Variants in FXYD1 observed in about 807,000 individuals in gnomAD.
FXYD1 encodes the protein phospholemman.
FXYD1 carries 9 observed loss-of-function variants against 17.2 expected under a neutral mutation model. That is an observed-to-expected ratio of 0.52 (90% confidence interval 0.32 to 0.91). FXYD1 has a LOEUF of 0.91. FXYD1 is among the 40% of genes least tolerant of loss of function. The probability of loss-of-function intolerance (pLI) is 0.04; values close to 1 mark genes in which losing one functional copy is unlikely to be tolerated. For synonymous variants in FXYD1, 55 were observed against 45.8 expected (o/e 1.20, Z -0.81); for missense variants, 113 against 120.6 (o/e 0.94, Z 0.29).
chr19:35,141,015 A>C (rs2065246781), intron 3 of FXYD1, 117 bp from the exon 4 acceptor site: 2 of 625,770 alleles, frequency 3.2e-6, no homozygotes, highest in East Asian at 3.0e-5. Context: ...TAATTATCTT[A>C]CTTCCCCCCT....
chr19:35,142,362 T>G, intron 5 of FXYD1, 110 bp from the exon 6 acceptor site: 1 of 806,964 alleles, frequency 1.2e-6, no homozygotes, highest in Non-Finnish European at 2.0e-6. Context: ...TTCGTCCATA[T>G]CTGGGCCTAG....
chr19:35,141,293 C>T (rs1342130527), intron 4 of FXYD1, 87 bp downstream of exon 4: 2 of 312,840 alleles, frequency 6.4e-6, no homozygotes, highest in East Asian at 5.9e-5. Context: ...CCCGCCTCTC[C>T]CTAGCCCCCC....
chr19:35,137,484 G>C (rs868565351), upstream of FXYD1, among the ~76,000 whole-genome samples: 14 of 152,308 alleles, frequency 9.2e-5, no homozygotes, highest in South Asian at 2.7e-3. Context: ...ATGTGTGAGA[G>C]CGGCGGGTTG....
rs1238951470 is a variant in FXYD1, at chr19:35,141,164, A to G, written c.127A>G (p.Ile43Val). Residue 43 changes from isoleucine (I) to valine (V), a missense_variant, in exon 4 of 8, where the codon ATC becomes GTC. By Grantham distance (29) the Ile-to-Val change is conservative (BLOSUM62 3). Coordinates refer to ENST00000351325, the MANE Select transcript of FXYD1 (RefSeq NM_021902.4). Reference protein sequence around the residue: ...YQSLQIGGLVIAGILFILGIL... With the variant: ...YQSLQIGGLVVAGILFILGIL... Reference sequence around the variant, plus strand: ...GTCCCTGCAGATCGGAGGCCTCGTCATCGCCGGGATCCTCTTCATCCTGGG... The same window carrying G: ...GTCCCTGCAGATCGGAGGCCTCGTCGTCGCCGGGATCCTCTTCATCCTGGG... The G allele has an allele frequency of 1.2e-6, 2 of 1,610,708 alleles. No individual in the cohort carries two copies. Among genetic ancestry groups the G allele is most frequent in the East Asian group, 2.2e-5 (1 of 44,776 alleles).
At chr19:35,141,509 G>A (rs370149307) in intron 4 of FXYD1, 27 bp from the exon 5 acceptor site, 79 of 1,601,790 alleles carry the variant, frequency 4.9e-5, no homozygotes, top group Non-Finnish European at 6.2e-5. Context: ...GGGAGCCTCA[G>A]CTTCTCCTAC....
rs62111365 is a variant in FXYD1, at chr19:35,143,086, C to G, written c.*199C>G. The G allele has an allele frequency of 1, 548,971 of 548,976 alleles. 274,483 individuals carry two copies. Among genetic ancestry groups the G allele is most frequent in the Middle Eastern group, 1 (2,098 of 2,098 alleles). The allele number at this position is 548,976 out of a possible 1,614,324, so 34.0% of individuals were successfully genotyped here. A position where few individuals can be genotyped will look rare whatever the true frequency, so the allele number is the denominator to read the frequency against. On this transcript the variant is annotated 3_prime_UTR_variant, in exon 8 of 8. Transcript: ENST00000351325. This position sits in a 1 kb window ranked among gnomAD's most constrained non-coding sequence, Gnocchi z 4.3. ...TCGGTCTCGGTCCCTCAGCGCGAAACGCCAGCGCCACTGGGCCCCAGCAGG... is the reference window on the plus strand; with the variant it reads ...TCGGTCTCGGTCCCTCAGCGCGAAAGGCCAGCGCCACTGGGCCCCAGCAGG...
At chr19:35,141,771 C>A (rs1304843779) in intron 5 of FXYD1, among the ~76,000 whole-genome samples, 199 bp downstream of exon 5, 2 of 152,246 alleles carry the variant, frequency 1.3e-5, no homozygotes, top group Non-Finnish European at 2.9e-5. Context: ...GAGCTCCCAG[C>A]CTAGTGGAGG....
intron 1 of FXYD1, chr19:35,139,176 G>A (rs1337254597): frequency 1.3e-5 from 2 of 152,414 alleles, no homozygotes; most frequent in Non-Finnish European, 2.9e-5. Context: ...GAGGAGTATT[G>A]GATGCCTGAC....
chr19:35,140,494 C>G, intron 2 of FXYD1, 103 bp from the exon 3 acceptor site: 1 of 1,059,540 alleles, frequency 9.4e-7, no homozygotes, highest in Non-Finnish European at 1.5e-6. Context: ...CAGACACCCT[C>G]AGACTCTAAG....
intron 2 of FXYD1, 135 bp downstream of exon 2, chr19:35,140,275 G>A: frequency 1.5e-6 from 1 of 679,702 alleles, no homozygotes; most frequent in South Asian, 1.6e-5. Context: ...TCCACGTGGG[G>A]TCCAGTCACA....
intron 5 of FXYD1, 132 bp downstream of exon 5, chr19:35,141,704 T>TGGCCCAAGCCTGGCCCTG (rs2065258447): frequency 1.4e-6 from 1 of 719,814 alleles, no homozygotes; most frequent in Non-Finnish European, 2.3e-6. Context: ...CTATGTGCCA[T>TGGCCCAAGCCTGGCCCTG]GGCCCAAGCC....
chr19:35,137,237 C>T (rs906146764), upstream of FXYD1, among the ~76,000 whole-genome samples: 2 of 152,214 alleles, frequency 1.3e-5, no homozygotes, highest in Non-Finnish European at 2.9e-5. Flanking sequence ...CTGGGCCATT[C>T]CAGGTTTCCC....
Position 35,140,617 on chromosome 19 carries a change from C to CCGTT in FXYD1, c.84_87dup (p.Thr30ValfsTer47). On this transcript the variant is annotated frameshift_variant, in exon 3 of 8. Transcript: ENST00000351325. LOFTEE classifies it high-confidence loss of function. ...TCCAGAAAGTCCAAAGGAACACGAC[C>CCGTT]CGTTCACTTACGGTGAGCGGGGGGT... The CCGTT allele has an allele frequency of 6.2e-7, 1 of 1,613,608 alleles. No homozygotes were observed. The highest frequency in any genetic ancestry group is 8.5e-7 in the Non-Finnish European group (1 of 1,179,750).
rs1171735415 is a variant in FXYD1 at position 35,142,992 on chromosome 19, C to G, written c.*105C>G. 1 of 583,022 alleles carries G rather than the reference C, an allele frequency of 1.7e-6. No homozygotes were observed. The highest frequency in any genetic ancestry group is 3.0e-6 in the Non-Finnish European group (1 of 328,976). 36.1% of individuals were successfully genotyped at this position (583,022 alleles called of 1,614,324 possible). A position where few individuals can be genotyped will look rare whatever the true frequency, so the allele number is the denominator to read the frequency against. ...CCCCTCCGCCGCCCCTTCCCCAGCCCTGCCCCCGCAGACTCCCCCTGCCGC... is the reference window on the plus strand; with the variant it reads ...CCCCTCCGCCGCCCCTTCCCCAGCCGTGCCCCCGCAGACTCCCCCTGCCGC... On this transcript the variant is annotated 3_prime_UTR_variant, in exon 8 of 8. Transcript: ENST00000351325.
chr19:35,137,693 C>G (rs2065217280), upstream of FXYD1: 1 of 152,326 alleles, frequency 6.6e-6, no homozygotes, highest in African/African-American at 2.4e-5. Flanking sequence ...GTGGCATGAT[C>G]TCAGCTCACT....
intron 3 of FXYD1, 84 bp from the exon 4 acceptor site, chr19:35,141,048 C>A: frequency 1.2e-6 from 1 of 828,416 alleles, no homozygotes; most frequent in African/African-American, 1.7e-5. Context: ...TCCTTTCTCC[C>A]TGTTCCCTCC....
At chr19:35,142,842 A>C in intron 7 of FXYD1, 71 bp downstream of exon 7, 1 of 1,194,548 alleles carries the variant, frequency 8.4e-7, no homozygotes, top group South Asian at 1.3e-5. Flanking sequence ...GAGGGGGCCA[A>C]GTGCCAGAGT....
chr19:35,140,605 A>G lies in FXYD1; in HGVS notation c.70A>G (p.Lys24Glu). The change falls in exon 3 of 8, where the codon AAG (lysine) becomes GAG (glutamate). Residue 24 changes from lysine to glutamate, a missense_variant. By Grantham distance (56) the Lys-to-Glu change is moderately conservative (BLOSUM62 1). Transcript: ENST00000351325. ...LLTMAKAESPKEHDPFTYDYQ... is the reference protein window; with the variant it reads ...LLTMAKAESPEEHDPFTYDYQ... ...TTTCTCTCTCTTTCCAGAAAGTCCA[A>G]AGGAACACGACCCGTTCACTTACGG... 1 of 1,613,532 alleles carries G rather than the reference A, an allele frequency of 6.2e-7. No homozygotes were observed. The highest frequency in any genetic ancestry group is 8.5e-7 in the Non-Finnish European group (1 of 1,179,760).
chr19:35,139,171 G>T (rs1485846129), intron 1 of FXYD1: 1 of 152,456 alleles, frequency 6.6e-6, no homozygotes, highest in Non-Finnish European at 1.5e-5. Context: ...CAGAGGAGGA[G>T]TATTGGATGC....
Sources: gnomAD v4.1 joint callset for allele counts (sites outside exome capture counted in the v4.1 genomes callset) on GRCh38, gnomAD v4.1.1 for gene constraint, Gnocchi (gnomAD v3.1) non-coding constraint, MANE v1.5 for transcripts, NCBI Gene and HGNC (gene_info 2026-07-23, HGNC 2026-07-21) for gene names.